The following UBR1 variants were observed in gnomAD, a reference collection of about 807,000 sequenced individuals.
UBR1 encodes the protein ubiquitin protein ligase E3 component n-recognin 1.
Under a neutral mutation model 242.1 loss-of-function variants are expected in UBR1, and 102 were observed. That is an observed-to-expected ratio of 0.42 (90% confidence interval 0.36 to 0.50). The LOEUF is 0.50. UBR1 is among the 20% of genes least tolerant of loss of function. The probability of loss-of-function intolerance (pLI) is 0.01; values close to 1 mark genes in which losing one functional copy is unlikely to be tolerated. For missense variants in UBR1, 1,772 were observed against 2,101.8 expected (o/e 0.84, Z 3.07); for synonymous variants, 675 against 684.8 (o/e 0.99, Z 0.22).
At chr15:43,091,025 G>A (rs2034099884) in intron 1 of UBR1, among the ~76,000 whole-genome samples, 1 of 151,930 alleles carries the variant, frequency 6.6e-6, no homozygotes, top group South Asian at 2.1e-4. Flanking sequence ...TGCAACCTCT[G>A]CCTCCCGGGT....
At chr15:42,974,124 G>A (rs1370202288) in intron 39 of UBR1, among the ~76,000 whole-genome samples, 4 of 152,068 alleles carry the variant, frequency 2.6e-5, no homozygotes, top group Non-Finnish European at 4.4e-5. Flanking sequence ...TCCTGACCTC[G>A]TGATCTACAC....
Position 43,043,201 on chromosome 15 carries a change from A to G in UBR1, c.1849+14T>C. ...GCTAATAGGTATATGCAAAAAGAAA[A>G]AACAAACACTCACCAGCAAGGGTCC... On this transcript the variant is annotated intron_variant, in intron 15 of 46. Coordinates refer to ENST00000290650, the MANE Select transcript of UBR1 (RefSeq NM_174916.3). 2 of 1,614,100 alleles carry G rather than the reference A, an allele frequency of 1.2e-6. No individual in the cohort carries two copies. Among genetic ancestry groups the G allele is most frequent in the Non-Finnish European group, 1.7e-6 (2 of 1,179,992 alleles).
At chr15:43,036,335 T>C in intron 18 of UBR1, 56 bp from the exon 19 acceptor site, 1 of 1,508,424 alleles carries the variant, frequency 6.6e-7, no homozygotes, top group Non-Finnish European at 9.2e-7. Context: ...AAACATTTTG[T>C]CTCATGTAGG....
At chr15:42,966,311 G>A (rs767042202) in intron 40 of UBR1, 25 bp from the exon 41 acceptor site, 2 of 1,613,874 alleles carry the variant, frequency 1.2e-6, no homozygotes, top group South Asian at 2.2e-5. Context: ...TTCCAGAAGA[G>A]AACAGAATAC....
chr15:43,105,821 G>C (rs1047561409), intron 1 of UBR1, 121 bp downstream of exon 1: 2 of 952,364 alleles, frequency 2.1e-6, no homozygotes, highest in Non-Finnish European at 3.3e-6. Context: ...CTTCCTTCCA[G>C]ATCAATCCAG....
At chr15:42,975,436 T>A (rs903749085) in intron 39 of UBR1, among the ~76,000 whole-genome samples, 2 of 97,128 alleles carry the variant, frequency 2.1e-5, no homozygotes, top group African/African-American at 5.1e-5. Context: ...ACAGCTAAAT[T>A]GTTTCTGTTT....
chr15:43,048,534 T>G (rs1018625274), intron 12 of UBR1, 43 bp from the exon 13 acceptor site: 18 of 1,496,588 alleles, frequency 1.2e-5, no homozygotes, highest in Non-Finnish European at 1.7e-5. Flanking sequence ...TTATCTATTT[T>G]GAGATAATTT....
In UBR1 at chr15:43,068,031, T is replaced by A; in HGVS notation, c.665A>T (p.Lys222Ile). ...ELPPELQIRE[K>I]NERYYCVLFN... ...AAGGACACAATAGTATCTTTCATTT[T>A]TCTCCCTGTTAGAAAAAAAACATAT... The change falls in exon 6 of 47, where the codon AAA (lysine) becomes ATA (isoleucine). Residue 222 changes from lysine to isoleucine, a missense_variant. Coordinates refer to ENST00000290650, the MANE Select transcript of UBR1 (RefSeq NM_174916.3). 1 of 1,606,538 alleles carries A rather than the reference T, an allele frequency of 6.2e-7. No homozygotes were observed. Among genetic ancestry groups the A allele is most frequent in the African/African-American group, 1.3e-5 (1 of 74,406 alleles).
In UBR1 at chr15:42,998,656, A is replaced by G. The variant is rs1250490505; in HGVS notation, c.3660-391T>C. On this transcript the variant is annotated intron_variant, in intron 32 of 46. Transcript: ENST00000290650. Reference sequence around the variant, plus strand: ...TATCCCAAGTTCATCACTTCTTCCTACCTCTCATTACTACCCCCTAATCCA... The same window carrying G: ...TATCCCAAGTTCATCACTTCTTCCTGCCTCTCATTACTACCCCCTAATCCA... Among the ~76,000 whole-genome samples, 11 of 152,000 alleles carry G rather than the reference A, an allele frequency of 7.2e-5. 1 individual carries two copies. Among genetic ancestry groups the G allele is most frequent in the Admixed American group, 6.6e-4 (10 of 15,252 alleles).
intron 33 of UBR1, among the ~76,000 whole-genome samples, chr15:42,995,250 T>TC (rs1567118908): frequency 1.3e-5 from 2 of 152,306 alleles, no homozygotes; most frequent in East Asian, 1.9e-4. Context: ...AACCAACATG[T>TC]CATTCTACAT....
intron 44 of UBR1, among the ~76,000 whole-genome samples, chr15:42,954,854 C>T (rs2031892468): frequency 6.6e-6 from 1 of 152,068 alleles, no homozygotes; most frequent in Non-Finnish European, 1.5e-5. Context: ...CAGGCATAAT[C>T]CACCGCACCT....
chr15:43,018,791 T>G (rs1273676581), intron 27 of UBR1, among the ~76,000 whole-genome samples: 1 of 152,190 alleles, frequency 6.6e-6, no homozygotes, highest in Non-Finnish European at 1.5e-5. Context: ...GGATAGAGTA[T>G]CTAATGTTTT....
chr15:43,007,183 T>C lies in UBR1; in HGVS notation c.3311A>G (p.Glu1104Gly), dbSNP rs2032845111. The change falls in exon 30 of 47, where the codon GAA (glutamate) becomes GGA (glycine). Residue 1104 changes from glutamate (E) to glycine (G), a missense_variant. Glu to Gly is a moderately conservative substitution (Grantham distance 98, BLOSUM62 -2). This residue lies in a region of UBR1 where 965 missense variants were observed against 1,079.7 expected (regional missense o/e 0.89). Transcript: ENST00000290650. ...EVLTCILCQE[E>G]QEVKIENNAM... is the part of the protein sequence containing the mutation. ...ATTATTTTCTATTTTCACCTCCTGTTCTTCTTGGCAAAGGATGCACGTCAG... is the reference window on the plus strand; with the variant it reads ...ATTATTTTCTATTTTCACCTCCTGTCCTTCTTGGCAAAGGATGCACGTCAG... 6.2e-7 allele frequency: 1 copy of C among 1,614,164 alleles called. No homozygotes were observed. The highest frequency in any genetic ancestry group is 2.2e-5 in the East Asian group (1 of 44,880).
chr15:43,027,210 A>G (rs551632248), intron 22 of UBR1, among the ~76,000 whole-genome samples: 53 of 152,250 alleles, frequency 3.5e-4, no homozygotes, highest in African/African-American at 1.3e-3. Context: ...TAAGTCGAAT[A>G]TTTCAATGAA....
chr15:43,038,092 T>C (rs2033360923), intron 16 of UBR1, 79 bp downstream of exon 16: 3 of 1,510,804 alleles, frequency 2.0e-6, no homozygotes, highest in South Asian at 1.1e-5. Context: ...TTTCTAAATA[T>C]TATCTCCTTC....
chr15:43,092,920 G>A (rs2034120294), intron 1 of UBR1, among the ~76,000 whole-genome samples: 1 of 152,062 alleles, frequency 6.6e-6, no homozygotes, highest in South Asian at 2.1e-4. Context: ...TTGCCAAACT[G>A]TGGAAAATTT....
chr15:42,946,565 C>G (rs74009229), intron 46 of UBR1, among the ~76,000 whole-genome samples: 2 of 152,258 alleles, frequency 1.3e-5, no homozygotes, highest in African/African-American at 4.8e-5. Context: ...AATGTCATCC[C>G]AATAAAAAGA....
intron 17 of UBR1, 81 bp downstream of exon 17, chr15:43,037,692 G>A: frequency 8.3e-7 from 1 of 1,211,936 alleles, no homozygotes; most frequent in Non-Finnish European, 1.2e-6. Context: ...TAAAATCTAG[G>A]AACACAGGGT....
At chr15:43,102,163 C>A (rs2034245415) in intron 1 of UBR1, among the ~76,000 whole-genome samples, 1 of 152,122 alleles carries the variant, frequency 6.6e-6, no homozygotes, top group Non-Finnish European at 1.5e-5. Flanking sequence ...CAGATATCAT[C>A]TATTCCTTAC....
Sources: allele counts gnomAD v4.1 joint callset (sites outside exome capture counted in the v4.1 genomes callset), GRCh38; gene constraint gnomAD v4.1.1; regional missense constraint gnomAD v4.1.1; transcripts MANE v1.5; gene names NCBI Gene and HGNC (gene_info 2026-07-23, HGNC 2026-07-21).